Variants in RPS5 observed in about 807,000 individuals in gnomAD.
RPS5 encodes the protein ribosomal protein S5.
Under a neutral mutation model 20.9 loss-of-function variants are expected in RPS5, and 2 were observed. The ratio of observed to expected loss-of-function variants is 0.10; its 90% CI spans 0.04 to 0.30. The LOEUF (loss-of-function observed/expected upper bound fraction) is 0.30. Ranked by LOEUF, RPS5 falls within the 10% of genes least tolerant of loss-of-function variation. The pLI is 1.00. For synonymous variants in RPS5, 112 were observed against 105.8 expected (o/e 1.06, Z -0.36); for missense variants, 122 against 287.2 (o/e 0.42, Z 4.16).
At chr19:58,389,095 T>C (rs1465409087) in intron 2 of RPS5, among the ~76,000 whole-genome samples, 1 of 152,188 alleles carries the variant, frequency 6.6e-6, no homozygotes, top group South Asian at 2.1e-4. Flanking sequence ...TACCCTTTTT[T>C]TCCCCTCCCC....
rs1045508989 is a variant in RPS5, at chr19:58,387,269, C to A, written c.-72C>A. ...AAAGTGTTGGCCCGCGGCGCGCGGCCTCTTCCTGTCTGTACCAGGGCGGCG... is the reference window on the plus strand; with the variant it reads ...AAAGTGTTGGCCCGCGGCGCGCGGCATCTTCCTGTCTGTACCAGGGCGGCG... On this transcript the variant is annotated 5_prime_UTR_variant, in exon 1 of 6. Coordinates refer to ENST00000196551, the MANE Select transcript of RPS5 (RefSeq NM_001009.4). The A allele has an allele frequency of 6.6e-6, 1 of 152,270 alleles. No individual in the cohort carries two copies. The highest frequency in any genetic ancestry group is 1.5e-5 in the Non-Finnish European group (1 of 68,066). The allele number at this position is 152,270 out of a possible 1,614,324, so 9.4% of individuals were successfully genotyped here.
At chr19:58,394,457 G>A (rs756674422) in intron 4 of RPS5, 40 bp from the exon 5 acceptor site, 16 of 1,577,314 alleles carry the variant, frequency 1.0e-5, no homozygotes, top group East Asian at 4.5e-5. Flanking sequence ...CTGGAGGACC[G>A]CAGTCTGTCC....
At chr19:58,393,879 T>G in intron 4 of RPS5, 1 of 197,140 alleles carries the variant, frequency 5.1e-6, no homozygotes, top group East Asian at 1.3e-4. Context: ...TTCACAGCAA[T>G]AGTCGTTGTT....
intron 2 of RPS5, chr19:58,388,635 A>ATTTTTTT: frequency 1.0e-5 from 2 of 200,626 alleles, no homozygotes; most frequent in East Asian, 7.2e-5. Flanking sequence ...AGCTGGCCGT[A>ATTTTTTT]GTTTTTTTTT....
chr19:58,388,920 C>T (rs904858033), intron 2 of RPS5, among the ~76,000 whole-genome samples: 5 of 152,174 alleles, frequency 3.3e-5, no homozygotes, highest in African/African-American at 7.2e-5. Context: ...TGAGCCACCG[C>T]GCCCGGCCCA....
At chr19:58,392,889 G>A in intron 2 of RPS5, 87 bp from the exon 3 acceptor site, 1 of 1,264,514 alleles carries the variant, frequency 7.9e-7, no homozygotes, top group Non-Finnish European at 1.1e-6. Flanking sequence ...ACCCCGAATG[G>A]GTACTTGATC....
At chr19:58,394,243 C>T (rs975125671) in intron 4 of RPS5, 10 of 490,184 alleles carry the variant, frequency 2.0e-5, no homozygotes, top group African/African-American at 3.9e-5. Flanking sequence ...CGTGCCCGGC[C>T]GTCTAGCAGT....
At chr19:58,392,679 A>T (rs527650546) in intron 2 of RPS5, among the ~76,000 whole-genome samples, 116 of 152,008 alleles carry the variant, frequency 7.6e-4, no homozygotes, top group African/African-American at 2.6e-3. Context: ...AACATCCTAT[A>T]GTGTGCAGGA....
intron 2 of RPS5, among the ~76,000 whole-genome samples, chr19:58,390,217 A>G (rs1164515261): frequency 6.7e-6 from 1 of 148,706 alleles, no homozygotes; most frequent in African/African-American, 2.5e-5. Context: ...TTTGTGAGAC[A>G]GAGTCTCTCT....
intron 2 of RPS5, among the ~76,000 whole-genome samples, chr19:58,389,491 G>A (rs961068421): frequency 6.6e-6 from 1 of 152,110 alleles, no homozygotes; most frequent in Non-Finnish European, 1.5e-5. Flanking sequence ...GATGTCAGGG[G>A]ACTTAGGCAC....
chr19:58,388,409 T>C (rs2052340968), intron 2 of RPS5, 164 bp downstream of exon 2: 2 of 602,664 alleles, frequency 3.3e-6, no homozygotes, highest in Middle Eastern at 3.4e-4. Context: ...TCTTACGTCC[T>C]GTTCAAAGAT....
intron 2 of RPS5, chr19:58,388,639 T>TTG (rs2052343202): frequency 3.6e-5 from 4 of 110,666 alleles, no homozygotes; most frequent in Non-Finnish European, 4.3e-5. Context: ...GGCCGTAGTT[T>TTG]TTTTTTTTTT....
chr19:58,388,229 A>C lies in RPS5; in HGVS notation c.92A>C (p.Asn31Thr). ...GKWSTDDVQI[N>T]DISLQDYIAV... ...TGGAGCACCGATGATGTGCAGATCA[A>C]TGACATTTCCCTGCAGGTGAGGGGA... Residue 31 changes from asparagine to threonine, a missense_variant, in exon 2 of 6, where the codon AAT becomes ACT. Coordinates refer to ENST00000196551, the MANE Select transcript of RPS5 (RefSeq NM_001009.4). 6.2e-7 allele frequency: 1 copy of C among 1,611,740 alleles called. No individual in the cohort carries two copies. The highest frequency in any genetic ancestry group is 1.1e-5 in the South Asian group (1 of 90,498).
intron 2 of RPS5, among the ~76,000 whole-genome samples, chr19:58,388,881 G>A (rs935125456): frequency 6.6e-5 from 10 of 151,888 alleles, no homozygotes; most frequent in Non-Finnish European, 1.3e-4. Flanking sequence ...CGCCCGTCTC[G>A]GCCTCCCAAA....
chr19:58,389,027 T>G (rs1482687952), intron 2 of RPS5, among the ~76,000 whole-genome samples: 1 of 152,186 alleles, frequency 6.6e-6, no homozygotes, highest in African/African-American at 2.4e-5. Context: ...GTATTAAGTT[T>G]TGCAATTGGG....
chr19:58,391,743 T>A (rs552576403), intron 2 of RPS5, among the ~76,000 whole-genome samples: 120 of 150,578 alleles, frequency 8.0e-4, no homozygotes, highest in African/African-American at 2.7e-3. Flanking sequence ...CTGGCCAACA[T>A]GTCCAAACCC....
chr19:58,394,086 C>T (rs2052381176), intron 4 of RPS5: 1 of 202,562 alleles, frequency 4.9e-6, no homozygotes, highest in South Asian at 8.9e-5. Flanking sequence ...CAGGCATGAG[C>T]CACCACACCT....
At chr19:58,390,946 ATT>A (rs1372497340) in intron 2 of RPS5, among the ~76,000 whole-genome samples, 2 of 152,012 alleles carry the variant, frequency 1.3e-5, no homozygotes, top group East Asian at 3.9e-4. Flanking sequence ...AGAAACAGGT[ATT>A]TTGTGTATAT....
rs754563972 is a variant in RPS5, at chr19:58,392,961, T to C, written c.109-15T>C. On this transcript the variant is annotated splice_polypyrimidine_tract_variant and intron_variant, in intron 2 of 5. Transcript: ENST00000196551. ...TGACCATTTTCCCTTCATTTCCTGC[T>C]CCCTGCTGCCCCAGGATTACATTGC... 6.2e-6 allele frequency: 10 copies of C among 1,611,326 alleles called. No homozygotes were observed. The highest frequency in any genetic ancestry group is 7.6e-6 in the Non-Finnish European group (9 of 1,177,922).
Sources: allele counts gnomAD v4.1 joint callset (sites outside exome capture counted in the v4.1 genomes callset), GRCh38; gene constraint gnomAD v4.1.1; transcripts MANE v1.5; gene names NCBI Gene and HGNC (gene_info 2026-07-23, HGNC 2026-07-21).